The following GRIN1 variants were observed in gnomAD, a reference collection of about 807,000 sequenced individuals.
The protein encoded by GRIN1 is glutamate ionotropic receptor NMDA type subunit 1.
In GRIN1, 38 loss-of-function variants were observed where a neutral mutation model predicts 103.0. The observed-to-expected ratio is 0.37, with a 90% CI of 0.28 to 0.48. GRIN1 has a LOEUF of 0.48. Among genes scored for constraint, GRIN1 ranks in the 20% least tolerant of loss-of-function variants. The pLI is 0.98. For missense variants in GRIN1, 577 were observed against 1,288.9 expected (o/e 0.45, Z 8.46); for synonymous variants, 544 against 532.7 (o/e 1.02, Z -0.29).
chr9:137,145,372 AG>A (rs1364544465), intron 2 of GRIN1, among the ~76,000 whole-genome samples: 2 of 114,424 alleles, frequency 1.7e-5, no homozygotes, highest in Non-Finnish European at 3.5e-5. Context: ...TGGTAGGGAC[AG>A]GGGTGGGAGA....
Position 137,167,537 on chromosome 9 carries a change from C to T in GRIN1, c.*10C>T. The T allele has an allele frequency of 1.3e-6, 2 of 1,526,272 alleles. No homozygotes were observed. The highest frequency in any genetic ancestry group is 2.4e-5 in the South Asian group (2 of 83,788). The allele number at this position is 1,526,272 out of a possible 1,614,324, so 94.5% of individuals were successfully genotyped here. On this transcript the variant is annotated 3_prime_UTR_variant, in exon 20 of 20. Transcript: ENST00000371561. Reference sequence around the variant, plus strand: ...TCATAGGGAGAGCTGAGACTCCCCGCCCGCCCTCCTCTGCCCCCTCCCCCG... The same window carrying T: ...TCATAGGGAGAGCTGAGACTCCCCGTCCGCCCTCCTCTGCCCCCTCCCCCG...
At chr9:137,144,527 C>T (rs188122884) in intron 2 of GRIN1, among the ~76,000 whole-genome samples, 8,599 of 151,930 alleles carry the variant, frequency 0.057, 289 homozygotes, top group Admixed American at 0.085. Flanking sequence ...TGGTGGCGGG[C>T]GCCTGTAGTC....
At chr9:137,148,340 G>A (rs371302644) in intron 3 of GRIN1, 8 of 656,596 alleles carry the variant, frequency 1.2e-5, no homozygotes, top group African/African-American at 3.7e-5. Context: ...AGAGGCAGCC[G>A]GCAGCAGGCA....
chr9:137,148,189 C>T, intron 3 of GRIN1: 1 of 1,547,142 alleles, frequency 6.5e-7, no homozygotes, highest in Non-Finnish European at 8.7e-7. Context: ...GACCAACTGT[C>T]CTATGACAAC....
At chr9:137,162,138 G>C in intron 11 of GRIN1, 34 bp from the exon 12 acceptor site, 1 of 1,540,290 alleles carries the variant, frequency 6.5e-7, no homozygotes, top group South Asian at 1.2e-5. Flanking sequence ...TCCCTGGAGG[G>C]CCCGGGCCGC....
At chr9:137,141,507 G>A (rs1832160708) in intron 1 of GRIN1, among the ~76,000 whole-genome samples, 1 of 152,212 alleles carries the variant, frequency 6.6e-6, no homozygotes, top group Non-Finnish European at 1.5e-5. Context: ...TGCCCCTGGA[G>A]ACACCAGCAA....
rs764813185 is a variant in GRIN1, at chr9:137,161,232, A to AGGGCGCG, written c.1339+41_1340-45dup. ...CGGGGCAGGGCGCGGGGCGCGGGGC[A>AGGGCGCG]GGGCGCGGGGCGTGGGGCGGTCTGG... is the stretch of plus-strand genomic sequence containing the variant. On this transcript the variant is annotated intron_variant, in intron 9 of 19. Coordinates refer to ENST00000371561, the MANE Select transcript of GRIN1 (RefSeq NM_007327.4). 102 of 1,608,150 alleles carry AGGGCGCG rather than the reference A, an allele frequency of 6.3e-5. No homozygotes were observed. The African/African-American group carries it at 1.3e-3, about 20-fold the overall frequency.
At chr9:137,166,313 C>T (rs1442674467) in intron 19 of GRIN1, among the ~76,000 whole-genome samples, 3 of 152,172 alleles carry the variant, frequency 2.0e-5, no homozygotes, top group Admixed American at 6.5e-5. Flanking sequence ...GCCCCCAGAG[C>T]GAACCCAGCC....
Position 137,158,067 on chromosome 9 carries a change from G to T in GRIN1, c.969-312G>T, listed in dbSNP as rs1001354714. ...GAGCTTCTGCCTCCGTCTCTGTAAG[G>T]CAGGATGGTTCTGAGGACAACGTCC... On this transcript the variant is annotated intron_variant, in intron 6 of 19. Coordinates refer to ENST00000371561, the MANE Select transcript of GRIN1 (RefSeq NM_007327.4). Among the ~76,000 whole-genome samples, 5 of 152,350 alleles carry T rather than the reference G, an allele frequency of 3.3e-5. No individual in the cohort carries two copies. The East Asian group carries it at 9.6e-4, about 29-fold the overall frequency.
chr9:137,160,186 A>G (rs1833451823), intron 8 of GRIN1, among the ~76,000 whole-genome samples: 1 of 152,234 alleles, frequency 6.6e-6, no homozygotes, highest in Admixed American at 6.5e-5. Flanking sequence ...CCAGAGACCT[A>G]CATTCAAAGC....
intron 4 of GRIN1, among the ~76,000 whole-genome samples, chr9:137,152,546 CAGGTCCCCACAGAGAGGGG>C (rs1365111703): frequency 6.6e-6 from 1 of 152,188 alleles, no homozygotes; most frequent in East Asian, 1.9e-4. Context: ...CCGCCATGCC[CAGGTCCCCACAGAGAGGGG>C]AGGGGGCGTT....
At chr9:137,148,281 A>G in intron 3 of GRIN1, 2 of 1,069,612 alleles carry the variant, frequency 1.9e-6, no homozygotes, top group Non-Finnish European at 2.8e-6. Context: ...CTCGGCCACT[A>G]GGGCCACTGT....
chr9:137,159,864 G>A (rs113910165), intron 8 of GRIN1, among the ~76,000 whole-genome samples: 29 of 152,132 alleles, frequency 1.9e-4, no homozygotes, highest in African/African-American at 6.5e-4. Context: ...AGGACATGCC[G>A]GGAGGGTGCC....
intron 2 of GRIN1, among the ~76,000 whole-genome samples, chr9:137,144,597 G>A (rs1397843033): frequency 2.0e-5 from 3 of 149,980 alleles, no homozygotes; most frequent in Non-Finnish European, 3.0e-5. Flanking sequence ...GGAGCCTGCA[G>A]TGAGCCGAGA....
Position 137,163,341 on chromosome 9 carries a change from G to A in GRIN1, c.2333+11G>A. ...CCTGTCCATCCTCAAGTGAGTGTCC[G>A]TGCGCCCGCGTCCCTCCTCCGCCCC... On this transcript the variant is annotated intron_variant, in intron 16 of 19. Coordinates refer to ENST00000371561, the MANE Select transcript of GRIN1 (RefSeq NM_007327.4). 2 of 1,612,914 alleles carry A rather than the reference G, an allele frequency of 1.2e-6. No homozygotes were observed. Among genetic ancestry groups the A allele is most frequent in the Non-Finnish European group, 1.7e-6 (2 of 1,179,738 alleles).
chr9:137,162,325 G>A, intron 12 of GRIN1, 35 bp downstream of exon 12: 1 of 1,549,242 alleles, frequency 6.5e-7, no homozygotes, highest in Non-Finnish European at 8.7e-7. Flanking sequence ...ACCTCCATCT[G>A]CGGGGCGCGG....
At position 137,163,559 on chromosome 9, in the gene GRIN1, G is replaced by T. The variant is rs1176826197; in HGVS notation, c.2334G>T (p.Lys778Asn). The T allele has an allele frequency of 6.2e-7, 1 of 1,608,022 alleles. No individual in the cohort carries two copies. The highest frequency in any genetic ancestry group is 2.2e-5 in the East Asian group (1 of 44,834). ...WKQNVSLSIL[K>N]SHENGFMEDL... ...CAGGCTCACTTGTTCCCACCGCCAGGTCCCACGAGAATGGCTTCATGGAAG... is the reference window on the plus strand; with the variant it reads ...CAGGCTCACTTGTTCCCACCGCCAGTTCCCACGAGAATGGCTTCATGGAAG... Residue 778 changes from lysine (K) to asparagine (N), a missense_variant and splice_region_variant, in exon 17 of 20, where the codon AAG becomes AAT. Coordinates refer to ENST00000371561, the MANE Select transcript of GRIN1 (RefSeq NM_007327.4).
intron 1 of GRIN1, among the ~76,000 whole-genome samples, chr9:137,140,349 C>A (rs1832100659): frequency 6.6e-6 from 1 of 152,132 alleles, no homozygotes; most frequent in Non-Finnish European, 1.5e-5. Flanking sequence ...TCGGAGCTGT[C>A]CGCCCCTGGG....
intron 19 of GRIN1, among the ~76,000 whole-genome samples, chr9:137,166,015 C>T (rs922330312): frequency 6.6e-6 from 1 of 152,152 alleles, no homozygotes; most frequent in African/African-American, 2.4e-5. Flanking sequence ...GTGGCTCCCA[C>T]CCCAGGCTGA....
Sources: allele counts gnomAD v4.1 joint callset (sites outside exome capture counted in the v4.1 genomes callset), GRCh38; gene constraint gnomAD v4.1.1; transcripts MANE v1.5; gene names NCBI Gene and HGNC (gene_info 2026-07-23, HGNC 2026-07-21).